The following ZBTB20 variants were observed in gnomAD, a reference collection of about 807,000 sequenced individuals.
ZBTB20 encodes zinc finger and BTB domain-containing protein 20.
A neutral mutation model predicts 56.9 loss-of-function variants in ZBTB20; 9 were observed. The ratio of observed to expected loss-of-function variants is 0.16; its 90% CI spans 0.10 to 0.28. The LOEUF (loss-of-function observed/expected upper bound fraction) is 0.28, where lower values mean the gene tolerates loss of function less well. Ranked by LOEUF, ZBTB20 falls within the 10% of genes least tolerant of loss-of-function variation. The pLI, the probability that ZBTB20 is intolerant of heterozygous loss-of-function variation, is 1.00. For synonymous variants in ZBTB20, 417 were observed against 420.7 expected (o/e 0.99, Z 0.11); for missense variants, 655 against 1,003.0 (o/e 0.65, Z 4.69).
chr3:114,365,927 GA>G (rs1280974621), intron 10 of ZBTB20, among the ~76,000 whole-genome samples: 2 of 152,048 alleles, frequency 1.3e-5, no homozygotes, highest in African/African-American at 4.8e-5. Flanking sequence ...TCTGCTGAAT[GA>G]AAAAAATAAT....
intron 4 of ZBTB20, among the ~76,000 whole-genome samples, 173 bp from the exon 5 acceptor site, chr3:114,801,347 A>C (rs1204696019): frequency 2.0e-5 from 3 of 149,924 alleles, no homozygotes; most frequent in African/African-American, 7.3e-5. Flanking sequence ...AAAAAAAAGA[A>C]AAAACCCTCT....
At chr3:114,910,066 A>C (rs1442029287) in intron 3 of ZBTB20, among the ~76,000 whole-genome samples, 8 of 151,998 alleles carry the variant, frequency 5.3e-5, no homozygotes, top group Non-Finnish European at 8.8e-5. Flanking sequence ...AGATAGAAAT[A>C]AAATTAAAAA....
chr3:114,798,363 CA>C (rs1229733919), intron 5 of ZBTB20, among the ~76,000 whole-genome samples: 1 of 99,968 alleles, frequency 1.0e-5, no homozygotes, highest in South Asian at 3.4e-4. Context: ...AAAAAACACA[CA>C]AAAAAACCTC....
At chr3:114,654,081 T>C (rs1367256302) in intron 6 of ZBTB20, among the ~76,000 whole-genome samples, 2 of 152,000 alleles carry the variant, frequency 1.3e-5, no homozygotes, top group Non-Finnish European at 2.9e-5. Flanking sequence ...TTAATCTTCT[T>C]TGTAGTTTGT....
Position 114,350,560 on chromosome 3 carries a change from G to A in ZBTB20, c.1518C>T (p.Thr506=). 1.2e-6 allele frequency: 2 copies of A among 1,614,184 alleles called. No homozygotes were observed. Among genetic ancestry groups the A allele is most frequent in the Non-Finnish European group, 1.7e-6 (2 of 1,180,028 alleles). The part of the protein sequence containing the change: ...NTQVIGTAGN[T]YLPALFTTQP... ...GGGTAGTGAAGAGGGCTGGCAGGTA[G>A]GTGTTGCCAGCTGTGCCAATGACCT... The change falls in exon 11 of 12, where the codon ACC becomes ACT. Residue 506 remains threonine (T), a synonymous_variant. Coordinates refer to ENST00000675478, the MANE Select transcript of ZBTB20 (RefSeq NM_001348800.3).
chr3:115,031,359 C>A (rs1452618945), intron 2 of ZBTB20, among the ~76,000 whole-genome samples: 2 of 151,490 alleles, frequency 1.3e-5, no homozygotes, highest in East Asian at 3.9e-4. Context: ...TGAACTAAAT[C>A]ATGAGAGGAG....
At chr3:114,758,016 T>C (rs2068130045) in intron 5 of ZBTB20, among the ~76,000 whole-genome samples, 1 of 152,182 alleles carries the variant, frequency 6.6e-6, no homozygotes, top group African/African-American at 2.4e-5. Flanking sequence ...TCAATGTTTT[T>C]CATAGTTATT....
intron 4 of ZBTB20, among the ~76,000 whole-genome samples, chr3:114,891,774 T>A (rs1231073059): frequency 6.6e-6 from 1 of 152,150 alleles, no homozygotes; most frequent in South Asian, 2.1e-4. Context: ...CAGCCAGGCG[T>A]GGTGGCTCAT....
rs2063348663 is a variant in ZBTB20 at position 114,700,855 on chromosome 3, AT to A, written c.-342-7281del. On this transcript the variant is annotated intron_variant, in intron 5 of 11. Coordinates refer to ENST00000675478, the MANE Select transcript of ZBTB20 (RefSeq NM_001348800.3). Reference sequence around the variant, plus strand: ...GGTCATTGTTTCCATTATAAACCTTATGCTTATGGGGTTTGTAATTCAGTTA... The same window carrying A: ...GGTCATTGTTTCCATTATAAACCTTAGCTTATGGGGTTTGTAATTCAGTTA... 2.6e-5 allele frequency among the ~76,000 whole-genome samples: 4 copies of A among 152,168 alleles called. No homozygotes were observed. The South Asian group carries it at 8.3e-4, about 32-fold the overall frequency.
chr3:114,888,638 A>G (rs547871114), intron 4 of ZBTB20, among the ~76,000 whole-genome samples: 5 of 152,302 alleles, frequency 3.3e-5, no homozygotes, highest in Admixed American at 1.3e-4. Context: ...CATAGAGGAA[A>G]ATCAATTTTA....
At chr3:114,426,294 C>T (rs1187858087) in intron 7 of ZBTB20, among the ~76,000 whole-genome samples, 1 of 139,600 alleles carries the variant, frequency 7.2e-6, no homozygotes, top group Non-Finnish European at 1.5e-5. Flanking sequence ...GCCGAGATCG[C>T]GCCACTGCAC....
At chr3:114,664,137 C>A (rs2060910116) in intron 6 of ZBTB20, among the ~76,000 whole-genome samples, 1 of 152,010 alleles carries the variant, frequency 6.6e-6, no homozygotes, top group African/African-American at 2.4e-5. Context: ...GACAATTAAT[C>A]TGAGCATTTT....
At chr3:114,740,163 A>G (rs1400553818) in intron 5 of ZBTB20, among the ~76,000 whole-genome samples, 2 of 152,186 alleles carry the variant, frequency 1.3e-5, no homozygotes, top group African/African-American at 4.8e-5. Context: ...CATGAGAAAT[A>G]AAATATAACT....
chr3:114,325,856 G>A lies in ZBTB20; in HGVS notation c.*13149C>T, dbSNP rs569563408. On this transcript the variant is annotated 3_prime_UTR_variant, in exon 12 of 12. Transcript: ENST00000675478. ...TGAAAACAGTATGCTTTCAAATGAA[G>A]TACTACAATTTCCTTTTTTAAAAAA... is the stretch of plus-strand genomic sequence containing the variant. The A allele has an allele frequency of 6.6e-6, 1 of 152,166 alleles. No individual in the cohort carries two copies. The highest frequency in any genetic ancestry group is 1.5e-5 in the Non-Finnish European group (1 of 68,026). 9.4% of individuals were successfully genotyped at this position (152,166 alleles called of 1,614,324 possible).
At chr3:114,376,804 AC>A (rs1193942778) in intron 10 of ZBTB20, among the ~76,000 whole-genome samples, 2 of 152,254 alleles carry the variant, frequency 1.3e-5, no homozygotes, top group Admixed American at 6.5e-5. Flanking sequence ...AAGGTAAGTC[AC>A]CATGGATATC....
chr3:114,924,311 C>T, intron 3 of ZBTB20, among the ~76,000 whole-genome samples: 1 of 152,046 alleles, frequency 6.6e-6, no homozygotes, highest in East Asian at 1.9e-4. Context: ...CCTAAGTATC[C>T]ATCAATGGGT....
At chr3:114,452,653 T>C (rs1675024028) in intron 7 of ZBTB20, among the ~76,000 whole-genome samples, 2 of 152,156 alleles carry the variant, frequency 1.3e-5, no homozygotes, top group Admixed American at 1.3e-4. Context: ...AGCAGTTACA[T>C]AAATGCATTC....
At chr3:114,891,319 C>G (rs1016288924) in intron 4 of ZBTB20, among the ~76,000 whole-genome samples, 1 of 152,140 alleles carries the variant, frequency 6.6e-6, no homozygotes, top group Non-Finnish European at 1.5e-5. Flanking sequence ...TATTTTACAC[C>G]AAATCCAGGT....
At chr3:115,081,704 C>T (rs1243181785) in intron 1 of ZBTB20, among the ~76,000 whole-genome samples, 2 of 152,052 alleles carry the variant, frequency 1.3e-5, no homozygotes, top group African/African-American at 4.8e-5. Context: ...ACTGCATTGC[C>T]TTCAAATCTA....
Sources: allele counts gnomAD v4.1 joint callset (sites outside exome capture counted in the v4.1 genomes callset), GRCh38; gene constraint gnomAD v4.1.1; transcripts MANE v1.5; gene names NCBI Gene and HGNC (gene_info 2026-07-23, HGNC 2026-07-21).